Variants in ZNF678 observed in about 807,000 individuals in gnomAD.
ZNF678 encodes zinc finger protein 678, also known as hypothetical protein MGC42493.
A neutral mutation model predicts 3.0 loss-of-function variants in ZNF678; 5 were observed. The observed-to-expected ratio is 1.69, with a 90% CI of 0.88 to 3.56. The LOEUF (loss-of-function observed/expected upper bound fraction) is 3.56, where lower values mean the gene tolerates loss of function less well. ZNF678 is among the 30% of genes most tolerant of loss of function. The pLI is 0.00. For missense variants in ZNF678, 593 were observed against 605.0 expected (o/e 0.98, Z 0.21); for synonymous variants, 218 against 199.6 (o/e 1.09, Z -0.78).
chr1:227,590,483 G>C (rs969953302), intron 1 of ZNF678, among the ~76,000 whole-genome samples: 24 of 151,920 alleles, frequency 1.6e-4, no homozygotes, highest in Middle Eastern at 3.4e-3. Flanking sequence ...GCATGTTAAT[G>C]GGGGTTGGGT....
chr1:227,674,579 T>G (rs1280970152), intron 5 of ZNF678, among the ~76,000 whole-genome samples: 2 of 151,828 alleles, frequency 1.3e-5, no homozygotes, highest in Non-Finnish European at 2.9e-5. Context: ...CATAGTGATA[T>G]TAAATATAAT....
intron 5 of ZNF678, among the ~76,000 whole-genome samples, chr1:227,670,246 C>T (rs1244993256): frequency 5.3e-5 from 8 of 152,166 alleles, no homozygotes; most frequent in Non-Finnish European, 1.5e-5. Context: ...ACCCATGTAA[C>T]AGTCCTACAC....
At chr1:227,608,273 C>A (rs912109783) in intron 1 of ZNF678, among the ~76,000 whole-genome samples, 7 of 151,780 alleles carry the variant, frequency 4.6e-5, no homozygotes, top group African/African-American at 1.7e-4. Context: ...AAAATTCCAA[C>A]TGATTTTTTT....
chr1:227,563,830 C>A, intron 1 of ZNF678, 106 bp downstream of exon 1: 1 of 1,110,998 alleles, frequency 9.0e-7, no homozygotes, highest in South Asian at 1.3e-5. Flanking sequence ...GATCTGTCAC[C>A]TCTGGGTAGG....
intron 1 of ZNF678, among the ~76,000 whole-genome samples, chr1:227,618,657 T>G (rs1161595998): frequency 1.3e-5 from 2 of 152,194 alleles, no homozygotes; most frequent in Non-Finnish European, 2.9e-5. Context: ...TGTGTCTGGC[T>G]TTTTGCTAGG....
At chr1:227,637,720 G>A (rs931439988) in intron 1 of ZNF678, among the ~76,000 whole-genome samples, 4 of 152,166 alleles carry the variant, frequency 2.6e-5, no homozygotes, top group African/African-American at 7.2e-5. Context: ...TAGCAGCTTC[G>A]TATAACGGTT....
intron 3 of ZNF678, among the ~76,000 whole-genome samples, chr1:227,651,870 G>C (rs985722846): frequency 6.6e-6 from 1 of 152,096 alleles, no homozygotes; most frequent in Non-Finnish European, 1.5e-5. Flanking sequence ...TATGGTGCCC[G>C]GCTCTGTCAC....
At chr1:227,603,532 G>A (rs952552772) in intron 1 of ZNF678, among the ~76,000 whole-genome samples, 1 of 152,138 alleles carries the variant, frequency 6.6e-6, no homozygotes, top group African/African-American at 2.4e-5. Context: ...GTGACCCACT[G>A]GGCCCGACTC....
intron 1 of ZNF678, among the ~76,000 whole-genome samples, chr1:227,637,623 G>C (rs376382932): frequency 6.6e-6 from 1 of 152,126 alleles, no homozygotes; most frequent in Non-Finnish European, 1.5e-5. Context: ...GAGTGAGGAC[G>C]GGGGCCTGAA....
At chr1:227,608,785 A>G (rs1461804135) in intron 1 of ZNF678, among the ~76,000 whole-genome samples, 2 of 152,230 alleles carry the variant, frequency 1.3e-5, no homozygotes, top group Non-Finnish European at 2.9e-5. Context: ...AGAAACTTCA[A>G]GAAGGAAAAG....
chr1:227,632,237 A>C (rs1050318152), intron 1 of ZNF678, among the ~76,000 whole-genome samples: 7 of 151,630 alleles, frequency 4.6e-5, no homozygotes, highest in Non-Finnish European at 1.0e-4. Flanking sequence ...TGCAGTGTAG[A>C]GCTTCCTTAG....
rs888864515 is a variant in ZNF678, at chr1:227,610,965, C to T, written c.-163-35579C>T. Among the ~76,000 whole-genome samples the T allele has an allele frequency of 3.3e-5, 5 of 152,350 alleles. No homozygotes were observed. In the East Asian group the frequency reaches 9.6e-4, roughly 29 times the overall value. On this transcript the variant is annotated intron_variant, in intron 1 of 3. Coordinates refer to ENST00000343776, the MANE Select transcript of ZNF678 (RefSeq NM_001367909.1). Reference sequence around the variant, plus strand: ...AACCTCATCAATGCTATACTTAAATCTCCTTACATCAGACATTGTCACCAT... The same window carrying T: ...AACCTCATCAATGCTATACTTAAATTTCCTTACATCAGACATTGTCACCAT...
chr1:227,678,779 C>T (rs1318755077), downstream of ZNF678, among the ~76,000 whole-genome samples: 2 of 152,128 alleles, frequency 1.3e-5, no homozygotes, highest in African/African-American at 4.8e-5. Flanking sequence ...AATTGGAGTC[C>T]CTAGAGGTGT....
intron 1 of ZNF678, among the ~76,000 whole-genome samples, chr1:227,573,703 A>G (rs2132368): frequency 0.42 from 47,547 of 114,044 alleles, 8,863 homozygotes; most frequent in Non-Finnish European, 0.51. Flanking sequence ...TCAGGGGTAC[A>G]TGTGCAGGTT....
chr1:227,651,074 C>G lies in ZNF678; in HGVS notation c.83C>G (p.Thr28Arg). The change falls in exon 3 of 4, where the codon ACA becomes AGA. Residue 28 changes from threonine (T) to arginine (R), a missense_variant and splice_region_variant. Thr to Arg is a moderately conservative substitution (Grantham distance 71). Transcript: ENST00000343776. Reference protein sequence around the residue: ...TSTSFYKLVYTAILSYSIQDL... With the variant: ...TSTSFYKLVYRAILSYSIQDL... ...ACCAGTTTTTATAAACTGGTTTATA[C>G]AGGTAAAGATTTTATCCTATTGGGT... 2 of 1,613,244 alleles carry G rather than the reference C, an allele frequency of 1.2e-6. No individual in the cohort carries two copies. Among genetic ancestry groups the G allele is most frequent in the Non-Finnish European group, 1.7e-6 (2 of 1,179,528 alleles).
Position 227,609,746 on chromosome 1 carries a change from CTCTT to C in ZNF678, c.-163-36796_-163-36793del, listed in dbSNP as rs1657967691. Among the ~76,000 whole-genome samples the C allele has an allele frequency of 2.8e-5, 4 of 143,092 alleles. No homozygotes were observed. In the East Asian group the frequency reaches 8.1e-4, roughly 29 times the overall value. 93.9% of individuals were successfully genotyped at this position (143,092 alleles called of 152,430 possible). On this transcript the variant is annotated intron_variant, in intron 1 of 3. Coordinates refer to ENST00000343776, the MANE Select transcript of ZNF678 (RefSeq NM_001367909.1). ...CCATTTCCTTCACTTTTTTTTTTTT[CTCTT>C]TGAGACAGAGCCTCACTCCGTCACC...
At chr1:227,572,053 A>G (rs1411444795) in intron 1 of ZNF678, among the ~76,000 whole-genome samples, 3 of 152,302 alleles carry the variant, frequency 2.0e-5, no homozygotes, top group East Asian at 1.9e-4. Flanking sequence ...AAAACAAACA[A>G]ACAGACAGTG....
chr1:227,572,303 G>A (rs74476594), intron 1 of ZNF678, among the ~76,000 whole-genome samples: 2,823 of 83,802 alleles, frequency 0.034, no homozygotes, highest in African/African-American at 0.049. Context: ...TAAATCTATG[G>A]GAGAAGCAGG....
chr1:227,609,985 C>T (rs892152975), intron 1 of ZNF678, among the ~76,000 whole-genome samples: 2 of 152,078 alleles, frequency 1.3e-5, no homozygotes, highest in African/African-American at 4.8e-5. Flanking sequence ...TGCCCGCCTC[C>T]GCTTCCCAAA....
Sources: allele counts gnomAD v4.1 joint callset (sites outside exome capture counted in the v4.1 genomes callset), GRCh38; gene constraint gnomAD v4.1.1; transcripts MANE v1.5; gene names NCBI Gene and HGNC (gene_info 2026-07-23, HGNC 2026-07-21).